Variants in ADAR observed in about 807,000 individuals in gnomAD.
ADAR encodes double-stranded RNA-specific adenosine deaminase.
ADAR carries 41 observed loss-of-function variants against 113.2 expected under a neutral mutation model. The ratio of observed to expected loss-of-function variants is 0.36; its 90% CI spans 0.28 to 0.47. ADAR has a LOEUF of 0.47. ADAR is among the 20% of genes least tolerant of loss of function. ADAR has a pLI of 1.00. For synonymous variants in ADAR, 605 were observed against 572.6 expected (o/e 1.06, Z -0.81); for missense variants, 1,242 against 1,540.9 (o/e 0.81, Z 3.25).
intron 1 of ADAR, among the ~76,000 whole-genome samples, chr1:154,626,087 T>C (rs2101707810): frequency 7.0e-6 from 1 of 143,616 alleles, no homozygotes; most frequent in African/African-American, 2.5e-5. Flanking sequence ...TGAAAAATAA[T>C]AAAATAAAAT....
At chr1:154,586,762 G>A (rs562401443) in intron 11 of ADAR, among the ~76,000 whole-genome samples, 2 of 152,256 alleles carry the variant, frequency 1.3e-5, no homozygotes, top group Admixed American at 6.5e-5. Flanking sequence ...GCTGGAGTAA[G>A]TGTTTCAGGC....
chr1:154,609,494 G>A (rs1698408193), upstream of ADAR, among the ~76,000 whole-genome samples: 1 of 152,126 alleles, frequency 6.6e-6, no homozygotes, highest in African/African-American at 2.4e-5. Flanking sequence ...TTGCAGGCTG[G>A]GCTCTGTCTT....
chr1:154,596,366 G>A (rs768292120), intron 6 of ADAR, among the ~76,000 whole-genome samples: 152 of 151,530 alleles, frequency 1.0e-3, no homozygotes, highest in Non-Finnish European at 1.8e-3. Flanking sequence ...TCTGCCTCCC[G>A]AGTAGCTGGG....
At chr1:154,590,436 G>C in intron 6 of ADAR, 27 bp from the exon 7 acceptor site, 1 of 1,606,496 alleles carries the variant, frequency 6.2e-7, no homozygotes, top group Non-Finnish European at 8.5e-7. Context: ...AGAGAATGAA[G>C]ACAAGTGCCA....
chr1:154,593,147 A>C (rs926312714), intron 6 of ADAR, among the ~76,000 whole-genome samples: 1 of 151,400 alleles, frequency 6.6e-6, no homozygotes, highest in African/African-American at 2.4e-5. Context: ...AAAAAAAAAA[A>C]AAAAAAAAAC....
intron 1 of ADAR, among the ~76,000 whole-genome samples, chr1:154,607,464 A>C (rs773966891): frequency 3.9e-5 from 6 of 152,094 alleles, no homozygotes; most frequent in Non-Finnish European, 7.4e-5. Flanking sequence ...GAGGTGGATA[A>C]GGTGAGCTGA....
chr1:154,601,659 C>T lies in ADAR; in HGVS notation c.983G>A (p.Arg328Gln), dbSNP rs371476324. ...GTCAATTAGCACAGCATTTATATCT[C>T]GGGCCTTGGTAAGGCCAATATTTTT... ...LAKNIGLTKA[R>Q]DINAVLIDME... The change falls in exon 2 of 15, where the codon CGA becomes CAA. Residue 328 changes from arginine (R) to glutamine (Q), a missense_variant. By Grantham distance (43) the Arg-to-Gln change is conservative. Around this residue, in one of 2 missense-constraint regions of ADAR, gnomAD observed 462 missense variants for 483.1 expected, o/e 0.96. Coordinates refer to ENST00000368474, the MANE Select transcript of ADAR (RefSeq NM_001111.5). This position sits in a 1 kb window ranked among gnomAD's most constrained non-coding sequence, Gnocchi z 4.7. 47 of 1,613,970 alleles carry T rather than the reference C, an allele frequency of 2.9e-5. No homozygotes were observed. Among genetic ancestry groups the T allele is most frequent in the Non-Finnish European group, 3.7e-5 (44 of 1,180,048 alleles).
chr1:154,590,279 G>T lies in ADAR; in HGVS notation c.2401C>A (p.Arg801Ser). Reference protein sequence around the residue: ...VLIGENEKAERMGFTEVTPVT... With the variant: ...VLIGENEKAESMGFTEVTPVT... ...GGGGTTACCTCTGTGAAACCCATGC[G>T]TTCTGCCTTCTCGTTCTCCCCAATC... The change falls in exon 7 of 15, where the codon CGC becomes AGC. Residue 801 changes from arginine (R) to serine (S), a missense_variant. Around this residue, in one of 2 missense-constraint regions of ADAR, gnomAD observed 780 missense variants for 1,057.9 expected, o/e 0.74. Coordinates refer to ENST00000368474, the MANE Select transcript of ADAR (RefSeq NM_001111.5). 1 of 1,614,002 alleles carries T rather than the reference G, an allele frequency of 6.2e-7. No homozygotes were observed. The highest frequency in any genetic ancestry group is 8.5e-7 in the Non-Finnish European group (1 of 1,180,026).
At chr1:154,589,681 A>G in intron 8 of ADAR, 76 bp downstream of exon 8, 2 of 1,569,426 alleles carry the variant, frequency 1.3e-6, no homozygotes, top group Non-Finnish European at 1.8e-6. Context: ...ACTTACATGC[A>G]TGGACTCCAG....
chr1:154,599,094 G>A (rs1016648829), intron 2 of ADAR, among the ~76,000 whole-genome samples: 2 of 152,124 alleles, frequency 1.3e-5, no homozygotes, highest in Non-Finnish European at 2.9e-5. Flanking sequence ...TTTGTCCCTA[G>A]ACCTATATCA....
Position 154,596,812 on chromosome 1 carries a change from C to G in ADAR, c.2263G>C (p.Glu755Gln). 2 of 1,612,984 alleles carry G rather than the reference C, an allele frequency of 1.2e-6. No individual in the cohort carries two copies. Among genetic ancestry groups the G allele is most frequent in the Non-Finnish European group, 1.7e-6 (2 of 1,179,998 alleles). Residue 755 changes from glutamate (E) to glutamine (Q), a missense_variant, in exon 6 of 15, where the codon GAG becomes CAG. Coordinates refer to ENST00000368474, the MANE Select transcript of ADAR (RefSeq NM_001111.5). ...KLVDQSGPPH[E>Q]PKFVYQAKVG... Reference sequence around the variant, plus strand: ...CAGGACTAGGACACTCACTTGGGCTCGTGAGGAGGTCCGGACTGGTCGACC... The same window carrying G: ...CAGGACTAGGACACTCACTTGGGCTGGTGAGGAGGTCCGGACTGGTCGACC...
intron 13 of ADAR, 123 bp from the exon 14 acceptor site, chr1:154,585,467 G>A: frequency 1.4e-6 from 2 of 1,445,264 alleles, no homozygotes; most frequent in East Asian, 4.7e-5. Context: ...CTGTATTTAG[G>A]GTTCTGTTTG....
intron 4 of ADAR, 53 bp from the exon 5 acceptor site, chr1:154,597,320 C>A: frequency 6.2e-7 from 1 of 1,606,650 alleles, no homozygotes; most frequent in East Asian, 2.2e-5. Context: ...ACTGAGGAGC[C>A]TGACCTAGCC....
At chr1:154,594,598 TC>T (rs1697377135) in intron 6 of ADAR, among the ~76,000 whole-genome samples, 1 of 152,158 alleles carries the variant, frequency 6.6e-6, no homozygotes, top group East Asian at 1.9e-4. Context: ...CTACCAAGCC[TC>T]CCCACCAGCT....
Position 154,602,336 on chromosome 1 carries a change from C to G in ADAR, c.306G>C (p.Gln102His), listed in dbSNP as rs760509994. 9 of 1,611,436 alleles carry G rather than the reference C, an allele frequency of 5.6e-6. No individual in the cohort carries two copies. Among genetic ancestry groups the G allele is most frequent in the Non-Finnish European group, 8.5e-7 (1 of 1,178,526 alleles). ...GATGCTGGAACCCTCTCTGGAGCCCCTGACTTCTGAGATGCACGCCCCTGG... is the reference window on the plus strand; with the variant it reads ...GATGCTGGAACCCTCTCTGGAGCCCGTGACTTCTGAGATGCACGCCCCTGG... Reference protein sequence around the residue: ...GVPRGVHLRSQGLQRGFQHPS... With the variant: ...GVPRGVHLRSHGLQRGFQHPS... Residue 102 changes from glutamine (Q) to histidine (H), a missense_variant, in exon 2 of 15, where the codon CAG becomes CAC. This residue lies in a region of ADAR where 462 missense variants were observed against 483.1 expected (regional missense o/e 0.96). Coordinates refer to ENST00000368474, the MANE Select transcript of ADAR (RefSeq NM_001111.5).
At chr1:154,600,074 G>A (rs1010440044) in intron 2 of ADAR, 1 of 152,346 alleles carries the variant, frequency 6.6e-6, no homozygotes, top group Admixed American at 6.5e-5. Context: ...AGGAGGGGAA[G>A]GCCTACAGAA....
In ADAR at chr1:154,613,727, A is replaced by C. The variant is rs1241224657; in HGVS notation, c.-870-11101T>G. ...CGAGACCCGCCTGACTAACATAGAGAAACTCCGTCTTTACTAAAAATACAA... is the reference window on the plus strand; with the variant it reads ...CGAGACCCGCCTGACTAACATAGAGCAACTCCGTCTTTACTAAAAATACAA... On this transcript the variant is annotated intron_variant, in intron 1 of 14. Transcript: ENST00000368471. Among the ~76,000 whole-genome samples, 4 of 152,202 alleles carry C rather than the reference A, an allele frequency of 2.6e-5. No individual in the cohort carries two copies. The East Asian group carries it at 7.7e-4, about 29-fold the overall frequency.
At chr1:154,586,054 A>C (rs1696738128) in intron 12 of ADAR, 127 bp downstream of exon 12, 1 of 1,315,122 alleles carries the variant, frequency 7.6e-7, no homozygotes, top group African/African-American at 1.5e-5. Flanking sequence ...ACACTCAATC[A>C]ATTACTGAGG....
At chr1:154,610,368 G>A (rs772272941), upstream of ADAR, among the ~76,000 whole-genome samples, 4 of 152,034 alleles carry the variant, frequency 2.6e-5, no homozygotes, top group Non-Finnish European at 4.4e-5. Flanking sequence ...ATACAATACA[G>A]CAACAAAAAT....
Sources: allele counts gnomAD v4.1 joint callset (sites outside exome capture counted in the v4.1 genomes callset), GRCh38; gene constraint gnomAD v4.1.1; regional missense constraint gnomAD v4.1.1; non-coding constraint Gnocchi (gnomAD v3.1); transcripts MANE v1.5; gene names NCBI Gene and HGNC (gene_info 2026-07-23, HGNC 2026-07-21).